SGCD: variants seen among roughly 807,000 people sequenced by gnomAD.
SGCD encodes sarcoglycan delta, also known as delta-sarcoglycan.
Under a neutral mutation model 36.6 loss-of-function variants are expected in SGCD, and 18 were observed. The ratio of observed to expected loss-of-function variants is 0.49; its 90% CI spans 0.34 to 0.73. SGCD has a LOEUF of 0.73. Among genes scored for constraint, SGCD ranks in the 30% least tolerant of loss-of-function variants. The pLI, the probability that SGCD is intolerant of heterozygous loss-of-function variation, is 0.01. For synonymous variants in SGCD, 133 were observed against 130.6 expected (o/e 1.02, Z -0.12); for missense variants, 387 against 346.7 (o/e 1.12, Z -0.92).
At position 156,765,699 on chromosome 5, in the gene SGCD, T is replaced by C. The variant is rs1166469693; in HGVS notation, c.*6309T>C. On this transcript the variant is annotated 3_prime_UTR_variant, in exon 9 of 9. Transcript: ENST00000337851. ...ATTCGGATGTGAAAACTGAGGCTTATAGTGGCTAAGAAACTTGCCCAAAGC... is the reference window on the plus strand; with the variant it reads ...ATTCGGATGTGAAAACTGAGGCTTACAGTGGCTAAGAAACTTGCCCAAAGC... 1 of 152,184 alleles carries C rather than the reference T, an allele frequency of 6.6e-6. No homozygotes were observed. Among genetic ancestry groups the C allele is most frequent in the African/African-American group, 2.4e-5 (1 of 41,454 alleles). 9.4% of individuals were successfully genotyped at this position (152,184 alleles called of 1,614,324 possible).
intron 4 of SGCD, among the ~76,000 whole-genome samples, chr5:156,556,625 T>C (rs1026590540): frequency 8.5e-5 from 13 of 152,302 alleles, no homozygotes; most frequent in African/African-American, 3.1e-4. Context: ...GCTAAATATA[T>C]ATTTGTGAAA....
In SGCD at chr5:155,955,288, G is replaced by A. The variant is rs546867301; in HGVS notation, c.-282+84864G>A. On this transcript the variant is annotated intron_variant, in intron 1 of 9. Coordinates refer to the SGCD transcript ENST00000517913. ...CACTCCGTAAGTATTTGATGATTTAGTAAGTAAATGAATTCAATAAATTTG... is the reference window on the plus strand; with the variant it reads ...CACTCCGTAAGTATTTGATGATTTAATAAGTAAATGAATTCAATAAATTTG... Among the ~76,000 whole-genome samples the A allele has an allele frequency of 2.3e-3, 350 of 152,246 alleles. 1 individual carries two copies. The highest frequency in any genetic ancestry group is 4.3e-3 in the Non-Finnish European group (295 of 67,990).
At chr5:156,009,381 A>G (rs1018696864) in intron 1 of SGCD, among the ~76,000 whole-genome samples, 2 of 152,076 alleles carry the variant, frequency 1.3e-5, no homozygotes, top group Admixed American at 6.5e-5. Flanking sequence ...TACCATATAC[A>G]TACCTACACC....
intron 1 of SGCD, among the ~76,000 whole-genome samples, chr5:156,113,333 A>G (rs1761834192): frequency 6.6e-6 from 1 of 151,948 alleles, no homozygotes; most frequent in Non-Finnish European, 1.5e-5. Flanking sequence ...TTTCCTTTGC[A>G]TTTATTTATT....
Position 156,372,559 on chromosome 5 carries a change from C to T in SGCD, c.192+27882C>T, listed in dbSNP as rs145164331. On this transcript the variant is annotated intron_variant, in intron 3 of 8. Transcript: ENST00000337851. ...AATTATAGGAGCACATATAATCACA[C>T]TTAACATTTACTTGTAGATAACTTT... 7.2e-5 allele frequency among the ~76,000 whole-genome samples: 11 copies of T among 152,294 alleles called. No individual in the cohort carries two copies. The East Asian group carries it at 2.1e-3, about 29-fold the overall frequency.
chr5:156,226,229 T>A (rs991966524), intron 3 of SGCD, among the ~76,000 whole-genome samples: 9 of 152,048 alleles, frequency 5.9e-5, no homozygotes, highest in Admixed American at 1.3e-4. Context: ...CTCCCGCCCT[T>A]TCCCCCTGAG....
chr5:156,417,943 C>G (rs889312728), intron 3 of SGCD, among the ~76,000 whole-genome samples: 5 of 152,154 alleles, frequency 3.3e-5, no homozygotes, highest in Non-Finnish European at 7.4e-5. Context: ...GTTTTCTCCC[C>G]TCTGGAAGGA....
At chr5:156,582,374 C>T (rs1240485405) in intron 4 of SGCD, among the ~76,000 whole-genome samples, 1 of 152,120 alleles carries the variant, frequency 6.6e-6, no homozygotes, top group Non-Finnish European at 1.5e-5. Context: ...TTATAGTTCC[C>T]AGTACTGTGA....
At chr5:156,522,116 G>C (rs1452941876) in intron 4 of SGCD, among the ~76,000 whole-genome samples, 1 of 152,036 alleles carries the variant, frequency 6.6e-6, no homozygotes, top group Non-Finnish European at 1.5e-5. Flanking sequence ...AACACCGCAT[G>C]TTCTCACTTG....
At chr5:156,480,344 C>T (rs1478133278) in intron 3 of SGCD, among the ~76,000 whole-genome samples, 4 of 152,204 alleles carry the variant, frequency 2.6e-5, no homozygotes, top group Non-Finnish European at 5.9e-5. Context: ...TTCTCAAATG[C>T]TTTCACTCAT....
At chr5:156,182,013 G>A (rs2127627537) in intron 3 of SGCD, among the ~76,000 whole-genome samples, 1 of 152,334 alleles carries the variant, frequency 6.6e-6, no homozygotes, top group African/African-American at 2.4e-5. Context: ...GAACTCAAGG[G>A]ATGGAGGAGA....
At chr5:156,459,792 G>A (rs1001305567) in intron 3 of SGCD, among the ~76,000 whole-genome samples, 16 of 152,184 alleles carry the variant, frequency 1.1e-4, no homozygotes, top group Non-Finnish European at 1.5e-5. Context: ...CAGCTGGACA[G>A]CATGCATTTA....
At chr5:156,669,682 CT>C (rs770396288) in intron 7 of SGCD, among the ~76,000 whole-genome samples, 3 of 152,174 alleles carry the variant, frequency 2.0e-5, no homozygotes, top group African/African-American at 4.8e-5. Context: ...CATAATTCTT[CT>C]CCTCAGTATC....
intron 6 of SGCD, among the ~76,000 whole-genome samples, chr5:156,640,172 CT>C (rs1762977388): frequency 1.3e-5 from 2 of 151,946 alleles, no homozygotes; most frequent in African/African-American, 2.4e-5. Context: ...TTTCTTCAGG[CT>C]TTTTTCTTTT....
chr5:156,221,481 T>A (rs900440692), intron 3 of SGCD, among the ~76,000 whole-genome samples: 3 of 152,004 alleles, frequency 2.0e-5, no homozygotes, highest in African/African-American at 7.2e-5. Flanking sequence ...TTGCCCAACT[T>A]CTTAGAGCCT....
intron 1 of SGCD, among the ~76,000 whole-genome samples, chr5:155,941,074 G>T (rs4704878): frequency 0.24 from 37,018 of 151,760 alleles, 5,091 homozygotes; most frequent in Admixed American, 0.42. Flanking sequence ...AAGGCCTTTG[G>T]GTGGCATCAT....
chr5:155,842,821 G>T, the SGCD span, among the ~76,000 whole-genome samples: 81 of 151,298 alleles, frequency 5.4e-4, no homozygotes, highest in African/African-American at 1.8e-3. Flanking sequence ...TTTAAAAAAA[G>T]AAATCTTCAA....
At chr5:155,982,252 T>C (rs574013366) in intron 1 of SGCD, among the ~76,000 whole-genome samples, 3 of 152,310 alleles carry the variant, frequency 2.0e-5, no homozygotes, top group African/African-American at 7.2e-5. Flanking sequence ...AGGGCAGGGC[T>C]TTGTCTACTT....
At chr5:156,619,150 A>C (rs1378150164) in intron 6 of SGCD, among the ~76,000 whole-genome samples, 1 of 151,628 alleles carries the variant, frequency 6.6e-6, no homozygotes, top group East Asian at 2.0e-4. Flanking sequence ...CTCAGCCTCC[A>C]GAGTAGCTGG....
Sources: allele counts gnomAD v4.1 joint callset (sites outside exome capture counted in the v4.1 genomes callset), GRCh38; gene constraint gnomAD v4.1.1; transcripts MANE v1.5; gene names NCBI Gene and HGNC (gene_info 2026-07-23, HGNC 2026-07-21).